Variants in GPC6 observed in about 807,000 individuals in gnomAD.
The protein encoded by GPC6 is glypican-6.
A neutral mutation model predicts 55.2 loss-of-function variants in GPC6; 14 were observed. That is an observed-to-expected ratio of 0.25 (90% CI 0.17 to 0.40). The LOEUF (loss-of-function observed/expected upper bound fraction) is 0.40, where lower values mean the gene tolerates loss of function less well. GPC6 is among the 10% of genes least tolerant of loss of function. The probability of loss-of-function intolerance (pLI) is 1.00; values close to 1 mark genes in which losing one functional copy is unlikely to be tolerated. For synonymous variants in GPC6, 278 were observed against 259.6 expected, an observed-to-expected ratio of 1.07 and a Z score of -0.68; for missense variants, 641 against 708.5, an observed-to-expected ratio of 0.90 and a Z score of 1.08.
At chr13:94,347,613 T>C (rs1044009047) in intron 6 of GPC6, among the ~76,000 whole-genome samples, 1 of 152,242 alleles carries the variant, frequency 6.6e-6, no homozygotes, top group African/African-American at 2.4e-5. Flanking sequence ...TAATGTAATA[T>C]GATTTTTTAA....
chr13:93,503,424 C>T (rs193019361), intron 1 of GPC6, among the ~76,000 whole-genome samples: 66 of 152,262 alleles, frequency 4.3e-4, no homozygotes, highest in African/African-American at 1.4e-3. Context: ...GCAATAATCT[C>T]GCTGCAGGGA....
At chr13:93,888,402 A>G (rs1456798430) in intron 3 of GPC6, among the ~76,000 whole-genome samples, 1 of 152,204 alleles carries the variant, frequency 6.6e-6, no homozygotes, top group Non-Finnish European at 1.5e-5. Context: ...CTCTTGGCAT[A>G]TCTCTTAGGT....
chr13:94,396,721 T>C (rs1880912610), intron 7 of GPC6, among the ~76,000 whole-genome samples: 1 of 152,194 alleles, frequency 6.6e-6, no homozygotes, highest in Admixed American at 6.5e-5. Flanking sequence ...GTTGACTCTA[T>C]AAGACAAGGA....
At chr13:93,724,575 A>G (rs1335126461) in intron 2 of GPC6, among the ~76,000 whole-genome samples, 1 of 152,040 alleles carries the variant, frequency 6.6e-6, no homozygotes, top group Non-Finnish European at 1.5e-5. Flanking sequence ...TCTCAAAGAC[A>G]TCAATTTCTG....
At chr13:93,487,421 A>G (rs1160934239) in intron 1 of GPC6, among the ~76,000 whole-genome samples, 2 of 152,118 alleles carry the variant, frequency 1.3e-5, no homozygotes, top group South Asian at 2.1e-4. Flanking sequence ...CTGTGTGTTC[A>G]TTAACATAGC....
intron 2 of GPC6, among the ~76,000 whole-genome samples, chr13:93,715,086 T>A (rs1359427714): frequency 6.6e-6 from 1 of 151,656 alleles, no homozygotes; most frequent in Non-Finnish European, 1.5e-5. Context: ...ATCAGTGCGG[T>A]CTTGTGACCT....
intron 1 of GPC6, among the ~76,000 whole-genome samples, chr13:93,496,284 T>A (rs1358670061): frequency 3.3e-5 from 5 of 152,084 alleles, no homozygotes; most frequent in African/African-American, 1.2e-4. Context: ...GTGACCCGAT[T>A]TTTCAGGTGC....
intron 3 of GPC6, among the ~76,000 whole-genome samples, chr13:93,895,226 G>T: frequency 1.4e-5 from 1 of 70,280 alleles, no homozygotes; most frequent in Non-Finnish European, 2.9e-5. Context: ...GTATGTATGT[G>T]TGTGTGTGTA....
chr13:93,741,351 G>A (rs1202295873), intron 2 of GPC6, among the ~76,000 whole-genome samples: 2 of 151,848 alleles, frequency 1.3e-5, no homozygotes, highest in Non-Finnish European at 2.9e-5. Flanking sequence ...TCCTGACCTC[G>A]TGATCCACCC....
In GPC6 at chr13:94,404,414, C is replaced by G. The variant is rs1404432105; in HGVS notation, c.*1197C>G. On this transcript the variant is annotated 3_prime_UTR_variant, in exon 9 of 9. Transcript: ENST00000377047. The stretch of plus-strand genomic sequence containing the variant: ...ATATATAAATCACAGATTTTAACTT[C>G]TTAATTCCAAGCTCAGGGTTGACAC... The G allele has an allele frequency of 6.6e-6, 1 of 152,068 alleles. No individual in the cohort carries two copies. Among genetic ancestry groups the G allele is most frequent in the East Asian group, 1.9e-4 (1 of 5,182 alleles). The allele number at this position is 152,068 out of a possible 1,614,324, so 9.4% of individuals were successfully genotyped here. A position where few individuals can be genotyped will look rare whatever the true frequency, so the allele number is the denominator to read the frequency against.
At chr13:93,320,694 C>A (rs1879409300) in intron 1 of GPC6, among the ~76,000 whole-genome samples, 1 of 151,876 alleles carries the variant, frequency 6.6e-6, no homozygotes, top group Non-Finnish European at 1.5e-5. Flanking sequence ...ATGATGGATT[C>A]ACTTTGGGGC....
At chr13:93,867,078 T>C (rs1888986889) in intron 3 of GPC6, among the ~76,000 whole-genome samples, 1 of 151,626 alleles carries the variant, frequency 6.6e-6, no homozygotes, top group South Asian at 2.1e-4. Context: ...CTGAAATGTA[T>C]ATCTCAGTAT....
chr13:94,226,765 A>G (rs2139008059), intron 4 of GPC6, among the ~76,000 whole-genome samples: 1 of 152,278 alleles, frequency 6.6e-6, no homozygotes, highest in South Asian at 2.1e-4. Context: ...AAAACAATAA[A>G]TAAATCAGCA....
In GPC6 at chr13:93,392,638, G is replaced by C. The variant is rs541955291; in HGVS notation, c.161-152625G>C. ...GGAAGCTGGGGAACCAGACGGCCAG[G>C]GAGAGAATATAAAACACAAAATTAA... On this transcript the variant is annotated intron_variant, in intron 1 of 8. Coordinates refer to ENST00000377047, the MANE Select transcript of GPC6 (RefSeq NM_005708.5). Among the ~76,000 whole-genome samples the C allele has an allele frequency of 6.6e-5, 10 of 152,306 alleles. No individual in the cohort carries two copies. In the South Asian group the frequency reaches 8.3e-4, roughly 13 times the overall value.
At chr13:93,728,654 C>T (rs1489240569) in intron 2 of GPC6, among the ~76,000 whole-genome samples, 2 of 151,896 alleles carry the variant, frequency 1.3e-5, no homozygotes, top group Non-Finnish European at 2.9e-5. Flanking sequence ...GCAGCCTCTA[C>T]CTCCTGGGTT....
chr13:94,282,772 A>G (rs1161669234), intron 4 of GPC6, among the ~76,000 whole-genome samples: 1 of 152,216 alleles, frequency 6.6e-6, no homozygotes, highest in Non-Finnish European at 1.5e-5. Context: ...GTGATCTCAG[A>G]GTAGATTCTT....
At chr13:93,616,334 G>T (rs918163013) in intron 2 of GPC6, among the ~76,000 whole-genome samples, 1 of 152,122 alleles carries the variant, frequency 6.6e-6, no homozygotes, top group Non-Finnish European at 1.5e-5. Flanking sequence ...TATTGGAGAT[G>T]AGAAATTATG....
intron 4 of GPC6, among the ~76,000 whole-genome samples, chr13:94,284,212 C>T (rs1276016018): frequency 6.6e-6 from 1 of 152,166 alleles, no homozygotes; most frequent in African/African-American, 2.4e-5. Context: ...AGAAGAGCCA[C>T]CATTCACTAT....
intron 2 of GPC6, among the ~76,000 whole-genome samples, chr13:93,618,765 A>G (rs1004973055): frequency 1.3e-5 from 2 of 152,194 alleles, no homozygotes. Context: ...GCATATGTTT[A>G]AAAATTAAGG....
Sources: allele counts gnomAD v4.1 joint callset (sites outside exome capture counted in the v4.1 genomes callset), GRCh38; gene constraint gnomAD v4.1.1; transcripts MANE v1.5; gene names NCBI Gene and HGNC (gene_info 2026-07-23, HGNC 2026-07-21).